The following ACO1 variants were observed in gnomAD, a reference collection of about 807,000 sequenced individuals.
ACO1 encodes aconitase 1.
ACO1 carries 78 observed loss-of-function variants against 105.1 expected under a neutral mutation model. That is an observed-to-expected ratio of 0.74 (90% CI 0.62 to 0.90). The LOEUF (loss-of-function observed/expected upper bound fraction) is 0.90. Among genes scored for constraint, ACO1 ranks in the 40% least tolerant of loss-of-function variants. The pLI is 0.00. For synonymous variants in ACO1, 364 were observed against 397.4 expected, an observed-to-expected ratio of 0.92 and a Z score of 1.00; for missense variants, 965 against 1,111.1, an observed-to-expected ratio of 0.87 and a Z score of 1.87.
intron 12 of ACO1, among the ~76,000 whole-genome samples, chr9:32,429,083 A>G (rs955192928): frequency 3.3e-5 from 5 of 152,148 alleles, no homozygotes; most frequent in Non-Finnish European, 7.4e-5. Flanking sequence ...GACTTATGAC[A>G]TATATTTTAT....
At chr9:32,431,250 C>CT (rs1437891418) in intron 14 of ACO1, among the ~76,000 whole-genome samples, 5 of 152,218 alleles carry the variant, frequency 3.3e-5, no homozygotes, top group African/African-American at 1.2e-4. Flanking sequence ...AGGCGTCACT[C>CT]TGACTTCTTG....
In ACO1 at chr9:32,450,909, C is replaced by CATATCATTGGGAAGCCTGA. The variant is rs1200255318; in HGVS notation, c.*802_*820dup. 2.0e-5 allele frequency: 3 copies of CATATCATTGGGAAGCCTGA among 152,058 alleles called. No individual in the cohort carries two copies. The highest frequency in any genetic ancestry group is 4.4e-5 in the Non-Finnish European group (3 of 68,024). 9.4% of individuals were successfully genotyped at this position (152,058 alleles called of 1,614,324 possible). ...ATTTAGTACAGAGTGAATCTCACACCATATCATTGGGAAGCCTGAATAACC... is the reference window on the plus strand; with the variant it reads ...ATTTAGTACAGAGTGAATCTCACACCATATCATTGGGAAGCCTGAATATCATTGGGAAGCCTGAATAACC... On this transcript the variant is annotated 3_prime_UTR_variant, in exon 21 of 21. Coordinates refer to ENST00000309951, the MANE Select transcript of ACO1 (RefSeq NM_002197.3).
At position 32,427,429 on chromosome 9, in the gene ACO1, C is replaced by T; in HGVS notation, c.1477C>T (p.Gln493Ter). The change falls in exon 12 of 21, where the codon CAG (glutamine) becomes TAG (stop). Residue 493 changes from glutamine to a stop codon, truncating the protein, a stop_gained. Transcript: ENST00000309951. LOFTEE classifies it high-confidence loss of function. Reference protein sequence around the residue: ...QESGVMPYLSQLGFDVVGYGC... With the variant: ...QESGVMPYLS Reference sequence around the variant, plus strand: ...AAGCGGAGTCATGCCTTATCTGTCTCAGCTTGGGTGAGGGAGAGTTTTCTT... The same window carrying T: ...AAGCGGAGTCATGCCTTATCTGTCTTAGCTTGGGTGAGGGAGAGTTTTCTT... The T allele has an allele frequency of 6.2e-7, 1 of 1,614,210 alleles. No homozygotes were observed. Among genetic ancestry groups the T allele is most frequent in the Non-Finnish European group, 8.5e-7 (1 of 1,180,038 alleles).
At chr9:32,436,144 C>G in intron 17 of ACO1, 106 bp from the exon 18 acceptor site, 1 of 1,432,460 alleles carries the variant, frequency 7.0e-7, no homozygotes, top group Non-Finnish European at 9.8e-7. Context: ...GAGAAATAGC[C>G]AGGTCTATGT....
intron 4 of ACO1, among the ~76,000 whole-genome samples, chr9:32,409,193 T>C (rs916967228): frequency 3.9e-5 from 6 of 152,214 alleles, no homozygotes; most frequent in African/African-American, 1.4e-4. Flanking sequence ...CTGTTAGGAA[T>C]CCTTTACTTT....
intron 1 of ACO1, among the ~76,000 whole-genome samples, chr9:32,392,100 A>C (rs1205572318): frequency 6.6e-6 from 1 of 152,192 alleles, no homozygotes; most frequent in Non-Finnish European, 1.5e-5. Flanking sequence ...TCGTCCCCAT[A>C]TATGTGCTTT....
intron 1 of ACO1, among the ~76,000 whole-genome samples, chr9:32,387,307 T>G (rs1306784353): frequency 6.6e-6 from 1 of 152,232 alleles, no homozygotes; most frequent in African/African-American, 2.4e-5. Context: ...GCCAGTGGTT[T>G]CAGAGCTGGT....
intron 19 of ACO1, among the ~76,000 whole-genome samples, chr9:32,446,077 G>A (rs1822599532): frequency 6.6e-6 from 1 of 152,196 alleles, no homozygotes; most frequent in Non-Finnish European, 1.5e-5. Flanking sequence ...TGAGAAGAAT[G>A]TATATTCTAC....
At chr9:32,436,427 A>C (rs767127886) in intron 18 of ACO1, 30 bp downstream of exon 18, 28 of 1,607,030 alleles carry the variant, frequency 1.7e-5, no homozygotes, top group Middle Eastern at 1.7e-4. Context: ...TCCTGCAGAC[A>C]CTAGCATTTG....
rs1766480587 is a variant in ACO1, at chr9:32,439,768, A to T, written c.2248-697A>T. Among the ~76,000 whole-genome samples the T allele has an allele frequency of 6.6e-6, 1 of 152,204 alleles. No homozygotes were observed. Among genetic ancestry groups the T allele is most frequent in the South Asian group, 2.1e-4 (1 of 4,836 alleles). On this transcript the variant is annotated intron_variant, in intron 18 of 20. Transcript: ENST00000309951. This position sits in a 1 kb window ranked among gnomAD's most constrained non-coding sequence, Gnocchi z 4.0. ...TTCTTTGTGTTTTGCTAATTTTACAACTGACATCACCGAGTTTCTGATATT... is the reference window on the plus strand; with the variant it reads ...TTCTTTGTGTTTTGCTAATTTTACATCTGACATCACCGAGTTTCTGATATT...
rs867726497 is a variant in ACO1, at chr9:32,421,112, C to T, written c.970+85C>T. On this transcript the variant is annotated intron_variant, in intron 8 of 20. Coordinates refer to ENST00000309951, the MANE Select transcript of ACO1 (RefSeq NM_002197.3). ...ATCTGAGCACTGCCTTCTGCCTCTA[C>T]CCAACAGAAGGCACTGGGTTACAGT... The T allele has an allele frequency of 2.4e-5, 34 of 1,418,662 alleles. 1 individual carries two copies. The South Asian group carries it at 4.3e-4, about 18-fold the overall frequency. The allele number at this position is 1,418,662 out of a possible 1,614,324, so 87.9% of individuals were successfully genotyped here.
At chr9:32,411,715 TATTA>T (rs1462137612) in intron 4 of ACO1, among the ~76,000 whole-genome samples, 1 of 152,162 alleles carries the variant, frequency 6.6e-6, no homozygotes, top group Non-Finnish European at 1.5e-5. Context: ...GATTAGAAAA[TATTA>T]ATTATGAAGG....
intron 4 of ACO1, among the ~76,000 whole-genome samples, chr9:32,410,527 T>A (rs369773809): frequency 1.1e-4 from 17 of 151,334 alleles, no homozygotes; most frequent in East Asian, 7.8e-4. Context: ...GCCACTGCAC[T>A]CCAGCCTGGG....
chr9:32,391,745 G>C (rs1374372861), intron 1 of ACO1, among the ~76,000 whole-genome samples: 1 of 152,238 alleles, frequency 6.6e-6, no homozygotes, highest in Non-Finnish European at 1.5e-5. Flanking sequence ...AGTTCATGAA[G>C]AAGAGGTGTC....
chr9:32,425,945 T>C lies in ACO1; in HGVS notation c.1296T>C (p.Ala432=), dbSNP rs1233731297. The C allele has an allele frequency of 6.2e-7, 1 of 1,614,186 alleles. No individual in the cohort carries two copies. The highest frequency in any genetic ancestry group is 2.2e-5 in the East Asian group (1 of 44,884). The change falls in exon 11 of 21, where the codon GCT becomes GCC. Residue 432 remains alanine (A), a synonymous_variant. Transcript: ENST00000309951. Reference sequence around the variant, plus strand: ...TTGCTCATGGTTCTGTGGTCATTGCTGCCATTACTAGCTGCACAAACACCA... The same window carrying C: ...TTGCTCATGGTTCTGTGGTCATTGCCGCCATTACTAGCTGCACAAACACCA... ...FTLAHGSVVI[A]AITSCTNTSN...
At chr9:32,393,879 C>G (rs11999515) in intron 1 of ACO1, among the ~76,000 whole-genome samples, 2 of 152,074 alleles carry the variant, frequency 1.3e-5, no homozygotes. Context: ...GTAATAACAC[C>G]GTAACCTGCC....
intron 4 of ACO1, among the ~76,000 whole-genome samples, chr9:32,415,954 T>A (rs975587084): frequency 6.6e-6 from 1 of 152,082 alleles, no homozygotes; most frequent in African/African-American, 2.4e-5. Flanking sequence ...TGGGTCACAT[T>A]TGGCCCATGG....
At chr9:32,422,798 C>T (rs1034607540) in intron 8 of ACO1, among the ~76,000 whole-genome samples, 1 of 152,128 alleles carries the variant, frequency 6.6e-6, no homozygotes, top group African/African-American at 2.4e-5. Flanking sequence ...AATAATTGTA[C>T]TTGTATCTTA....
At position 32,439,988 on chromosome 9, in the gene ACO1, C is replaced by T. The variant is rs751398191; in HGVS notation, c.2248-477C>T. On this transcript the variant is annotated intron_variant, in intron 18 of 20. Transcript: ENST00000309951. The surrounding 1 kb of genome is among the most constrained non-coding windows in gnomAD (Gnocchi z 4.0). Reference sequence around the variant, plus strand: ...TTTTTAAGAATACAAAATTTAAGGCCGGATGCAGTGGCTTACGCCTGTAAT... The same window carrying T: ...TTTTTAAGAATACAAAATTTAAGGCTGGATGCAGTGGCTTACGCCTGTAAT... Among the ~76,000 whole-genome samples the T allele has an allele frequency of 7.9e-5, 12 of 152,104 alleles. No individual in the cohort carries two copies. The highest frequency in any genetic ancestry group is 2.9e-4 in the African/African-American group (12 of 41,424).
Sources: allele counts gnomAD v4.1 joint callset (sites outside exome capture counted in the v4.1 genomes callset), GRCh38; gene constraint gnomAD v4.1.1; non-coding constraint Gnocchi (gnomAD v3.1); transcripts MANE v1.5; gene names NCBI Gene and HGNC (gene_info 2026-07-23, HGNC 2026-07-21).